DLC1: variants seen among roughly 807,000 people sequenced by gnomAD.
DLC1 encodes rho GTPase-activating protein 7.
Under a neutral mutation model 140.3 loss-of-function variants are expected in DLC1, and 54 were observed. That is an observed-to-expected ratio of 0.38 (90% confidence interval 0.31 to 0.48). DLC1 has a LOEUF of 0.48. Ranked by LOEUF, DLC1 falls within the 20% of genes least tolerant of loss-of-function variation. The probability of loss-of-function intolerance (pLI) is 0.96; values close to 1 mark genes in which losing one functional copy is unlikely to be tolerated. For synonymous variants in DLC1, 986 were observed against 728.1 expected (o/e 1.35, Z -5.70); for missense variants, 2,536 against 1,907.0 (o/e 1.33, Z -6.14).
At chr8:13,442,222 T>G (rs1235416124) in intron 2 of DLC1, among the ~76,000 whole-genome samples, 5 of 152,184 alleles carry the variant, frequency 3.3e-5, no homozygotes, top group African/African-American at 1.2e-4. Flanking sequence ...ATTAAAGACT[T>G]AAATGTTAGA....
intron 2 of DLC1, among the ~76,000 whole-genome samples, chr8:13,406,687 T>C (rs1837578953): frequency 6.6e-6 from 1 of 152,234 alleles, no homozygotes; most frequent in Non-Finnish European, 1.5e-5. Flanking sequence ...ATTCTGTCAA[T>C]GACTCAATTA....
chr8:13,520,190 A>G (rs1802719775), intron 1 of DLC1, among the ~76,000 whole-genome samples: 2 of 152,230 alleles, frequency 1.3e-5, no homozygotes, highest in South Asian at 4.1e-4. Flanking sequence ...TTATTGTGGC[A>G]ATATTCACAA....
At chr8:13,546,218 A>G (rs1036659478) in intron 1 of DLC1, among the ~76,000 whole-genome samples, 6 of 152,144 alleles carry the variant, frequency 3.9e-5, no homozygotes, top group Non-Finnish European at 8.8e-5. Context: ...ACAGACCACT[A>G]TAAATTCTAA....
intron 5 of DLC1, chr8:13,276,548 C>T: frequency 7.8e-7 from 1 of 1,289,790 alleles, no homozygotes; most frequent in South Asian, 2.6e-5. Flanking sequence ...GCGCCAACTG[C>T]AGGCGGCCTC....
chr8:13,295,787 C>G (rs1028970344), intron 5 of DLC1, among the ~76,000 whole-genome samples: 1 of 151,918 alleles, frequency 6.6e-6, no homozygotes, highest in African/African-American at 2.4e-5. Context: ...ACATACCTCT[C>G]CAAAGAAACT....
chr8:13,228,373 T>C (rs1828891492), intron 5 of DLC1, among the ~76,000 whole-genome samples: 1 of 151,440 alleles, frequency 6.6e-6, no homozygotes, highest in South Asian at 2.1e-4. Flanking sequence ...ACAAACTATA[T>C]ATTTGATAAA....
At chr8:13,500,287 C>T in intron 1 of DLC1, 91 bp from the exon 2 acceptor site, 1 of 455,322 alleles carries the variant, frequency 2.2e-6, no homozygotes, top group South Asian at 4.5e-5. Context: ...TCTATGCTAT[C>T]AAAGTTAAGA....
At chr8:13,528,114 C>G (rs543656077) in intron 1 of DLC1, among the ~76,000 whole-genome samples, 2 of 151,920 alleles carry the variant, frequency 1.3e-5, no homozygotes, top group East Asian at 1.9e-4. Context: ...ACATCTTAAC[C>G]ATAAGAATCA....
chr8:13,560,465 T>A (rs1341511340), intron 1 of DLC1, among the ~76,000 whole-genome samples: 5 of 152,202 alleles, frequency 3.3e-5, no homozygotes, highest in Non-Finnish European at 2.9e-5. Flanking sequence ...TACTTCTTAA[T>A]GAACAGGTAG....
intron 2 of DLC1, among the ~76,000 whole-genome samples, chr8:13,427,236 G>A (rs549156215): frequency 6.6e-6 from 1 of 152,186 alleles, no homozygotes; most frequent in South Asian, 2.1e-4. Context: ...GACTATCAAT[G>A]CATTGCCCCA....
rs1828096602 is a variant in DLC1, at chr8:13,214,488, T to C, written c.1348+90781A>G. The stretch of plus-strand genomic sequence containing the variant: ...GCTGACTGTTGGTATCTCAGGTTTC[T>C]CTTATCATTGGTGAAACTGGCATAT... On this transcript the variant is annotated intron_variant, in intron 5 of 17. Coordinates refer to ENST00000276297, the MANE Select transcript of DLC1 (RefSeq NM_182643.3). The C allele has an allele frequency of 1.8e-5, 12 of 662,768 alleles. 1 individual carries two copies. The East Asian group carries it at 2.2e-4, about 12-fold the overall frequency. 41.1% of individuals were successfully genotyped at this position (662,768 alleles called of 1,614,324 possible).
Position 13,469,885 on chromosome 8 carries a change from T to C in DLC1, c.1023+29164A>G, listed in dbSNP as rs1000541328. 5.3e-5 allele frequency among the ~76,000 whole-genome samples: 8 copies of C among 152,290 alleles called. No homozygotes were observed. The East Asian group carries it at 1.4e-3, about 26-fold the overall frequency. On this transcript the variant is annotated intron_variant, in intron 2 of 17. Transcript: ENST00000276297. ...CATATTATGAAGAAAATTAAATATA[T>C]AAGAAATTCTAGTTTCTGCCCTCCA... is the stretch of plus-strand genomic sequence containing the variant.
intron 5 of DLC1, among the ~76,000 whole-genome samples, chr8:13,150,846 A>G (rs1823753063): frequency 6.6e-6 from 1 of 152,222 alleles, no homozygotes; most frequent in South Asian, 2.1e-4. Context: ...TCAACAGAGA[A>G]CTTTCTTCCC....
chr8:13,405,802 T>TC (rs372094883), intron 2 of DLC1, among the ~76,000 whole-genome samples: 8 of 151,872 alleles, frequency 5.3e-5, no homozygotes, highest in Non-Finnish European at 2.9e-5. Flanking sequence ...TCTCTTTTTT[T>TC]CTCTTTTCTC....
At chr8:13,389,240 AACC>A (rs1349336704) in intron 4 of DLC1, among the ~76,000 whole-genome samples, 1 of 152,148 alleles carries the variant, frequency 6.6e-6, no homozygotes, top group African/African-American at 2.4e-5. Context: ...TAGGAAAAAC[AACC>A]ACAACAAAAC....
At chr8:13,579,489 A>T (rs1206344550) in intron 1 of DLC1, among the ~76,000 whole-genome samples, 12 of 79,268 alleles carry the variant, frequency 1.5e-4, no homozygotes, top group Admixed American at 1.9e-4. Flanking sequence ...TATATATTTA[A>T]TATATTATAT....
intron 2 of DLC1, among the ~76,000 whole-genome samples, chr8:13,447,004 TAAA>T (rs1330478927): frequency 1.3e-5 from 2 of 151,708 alleles, no homozygotes; most frequent in African/African-American, 4.8e-5. Flanking sequence ...AGGGTGGAAG[TAAA>T]GAAGAAAAGA....
At chr8:13,354,525 T>TAA (rs76495858) in intron 4 of DLC1, among the ~76,000 whole-genome samples, 6 of 152,042 alleles carry the variant, frequency 3.9e-5, no homozygotes, top group East Asian at 1.9e-4. Context: ...CTTTAGAAGT[T>TAA]AAAAAAATAA....
chr8:13,204,232 G>T (rs572353331), intron 5 of DLC1, among the ~76,000 whole-genome samples: 1 of 152,304 alleles, frequency 6.6e-6, no homozygotes, highest in South Asian at 2.1e-4. Flanking sequence ...GATGACCTCT[G>T]TTGGATGTGC....
Sources: allele counts gnomAD v4.1 joint callset (sites outside exome capture counted in the v4.1 genomes callset), GRCh38; gene constraint gnomAD v4.1.1; transcripts MANE v1.5; gene names NCBI Gene and HGNC (gene_info 2026-07-23, HGNC 2026-07-21).